The following FSTL5 variants were observed in gnomAD, a reference collection of about 807,000 sequenced individuals.
FSTL5 encodes the protein follistatin like 5.
Under a neutral mutation model 89.1 loss-of-function variants are expected in FSTL5, and 62 were observed. That is an observed-to-expected ratio of 0.70 (90% CI 0.57 to 0.86). The LOEUF is 0.86. Among genes scored for constraint, FSTL5 ranks in the 40% least tolerant of loss-of-function variants. The pLI is 0.00. For synonymous variants in FSTL5, 383 were observed against 346.2 expected (o/e 1.11, Z -1.18); for missense variants, 1,057 against 1,001.6 (o/e 1.06, Z -0.75).
intron 6 of FSTL5, among the ~76,000 whole-genome samples, chr4:161,698,922 C>T (rs1384224214): frequency 1.3e-5 from 2 of 152,006 alleles, no homozygotes; most frequent in African/African-American, 4.8e-5. Flanking sequence ...TGCACTCCAG[C>T]CTGGGTGACA....
At chr4:162,085,262 T>C (rs1314104994) in intron 2 of FSTL5, among the ~76,000 whole-genome samples, 2 of 152,070 alleles carry the variant, frequency 1.3e-5, no homozygotes, top group Non-Finnish European at 2.9e-5. Context: ...GTTAATGTGT[T>C]CAATATATTA....
intron 4 of FSTL5, among the ~76,000 whole-genome samples, chr4:161,903,741 A>G (rs1439263223): frequency 6.7e-6 from 1 of 150,256 alleles, no homozygotes; most frequent in Non-Finnish European, 1.5e-5. Flanking sequence ...ACTTGGAGGG[A>G]TATTATATGA....
chr4:161,695,626 G>T (rs903031850), intron 6 of FSTL5, among the ~76,000 whole-genome samples: 2 of 151,954 alleles, frequency 1.3e-5, no homozygotes, highest in African/African-American at 4.8e-5. Flanking sequence ...AACATCCTTT[G>T]TTTTTTGATT....
intron 12 of FSTL5, among the ~76,000 whole-genome samples, chr4:161,492,223 A>G (rs889550223): frequency 2.0e-5 from 3 of 152,128 alleles, no homozygotes; most frequent in Non-Finnish European, 4.4e-5. Context: ...GTTATGTTAT[A>G]ATTTTCTCTC....
At chr4:161,880,999 A>G (rs1579164796) in intron 4 of FSTL5, among the ~76,000 whole-genome samples, 1 of 152,100 alleles carries the variant, frequency 6.6e-6, no homozygotes, top group East Asian at 1.9e-4. Context: ...CATATAAGAA[A>G]GCGCAATAGA....
intron 3 of FSTL5, among the ~76,000 whole-genome samples, chr4:162,029,343 C>A (rs1737429017): frequency 6.6e-6 from 1 of 152,016 alleles, no homozygotes; most frequent in South Asian, 2.1e-4. Context: ...GTGGCTTCCC[C>A]TTTTCATGTA....
rs1212942555 is a variant in FSTL5, at chr4:161,500,636, T to C, written c.1340-502A>G. Among the ~76,000 whole-genome samples the C allele has an allele frequency of 5.3e-5, 8 of 152,298 alleles. No individual in the cohort carries two copies. In the East Asian group the frequency reaches 1.5e-3, roughly 29 times the overall value. On this transcript the variant is annotated intron_variant, in intron 11 of 15. Transcript: ENST00000306100. ...TAGAATATAAATTTTCTTAAACTAA[T>C]TTTTGTCAAAATAATTCTAAATAGA...
At chr4:161,489,768 T>A (rs1729800897) in intron 12 of FSTL5, among the ~76,000 whole-genome samples, 1 of 152,162 alleles carries the variant, frequency 6.6e-6, no homozygotes, top group African/African-American at 2.4e-5. Context: ...ATCAATAAAA[T>A]ATTTGTTTTA....
chr4:161,902,708 G>C (rs1476004689), intron 4 of FSTL5, among the ~76,000 whole-genome samples: 1 of 151,972 alleles, frequency 6.6e-6, no homozygotes, highest in Non-Finnish European at 1.5e-5. Context: ...AATTAGCCAG[G>C]CGTGATGGTG....
intron 7 of FSTL5, among the ~76,000 whole-genome samples, chr4:161,596,566 T>C (rs1734016491): frequency 6.6e-6 from 1 of 152,122 alleles, no homozygotes; most frequent in Non-Finnish European, 1.5e-5. Flanking sequence ...TGTTCTCTTC[T>C]TGACCACACT....
chr4:162,070,733 G>T (rs1289203464), intron 2 of FSTL5, among the ~76,000 whole-genome samples: 1 of 151,656 alleles, frequency 6.6e-6, no homozygotes, highest in African/African-American at 2.4e-5. Flanking sequence ...GGCCAAAAAA[G>T]AACGGGATAA....
At chr4:161,858,439 G>A (rs1036784392) in intron 4 of FSTL5, among the ~76,000 whole-genome samples, 1 of 152,128 alleles carries the variant, frequency 6.6e-6, no homozygotes, top group Non-Finnish European at 1.5e-5. Context: ...TAGGCACTAT[G>A]ATAGACACTG....
chr4:161,467,426 T>C (rs1733783393), intron 13 of FSTL5, among the ~76,000 whole-genome samples: 1 of 152,128 alleles, frequency 6.6e-6, no homozygotes, highest in African/African-American at 2.4e-5. Flanking sequence ...GATGCTTTAC[T>C]TTTTACAAAA....
chr4:162,058,571 G>A (rs1738628199), intron 2 of FSTL5, among the ~76,000 whole-genome samples: 1 of 151,510 alleles, frequency 6.6e-6, no homozygotes, highest in South Asian at 2.1e-4. Flanking sequence ...GGGATTACAG[G>A]CACGCACCAC....
At chr4:161,935,602 T>C (rs1257136576) in intron 3 of FSTL5, among the ~76,000 whole-genome samples, 3 of 152,142 alleles carry the variant, frequency 2.0e-5, no homozygotes, top group Non-Finnish European at 4.4e-5. Context: ...GGACTGTTCA[T>C]GGAAATCTTC....
At chr4:161,816,381 A>G (rs983801461) in intron 4 of FSTL5, among the ~76,000 whole-genome samples, 1 of 152,218 alleles carries the variant, frequency 6.6e-6, no homozygotes, top group African/African-American at 2.4e-5. Flanking sequence ...TAATGTTTAA[A>G]ATTTAATTTT....
rs1553990005 is a variant in FSTL5, at chr4:161,476,181, T to TTTG, written c.1608+4838_1608+4839insCAA. Among the ~76,000 whole-genome samples the TTTG allele has an allele frequency of 1.1e-3, 129 of 117,842 alleles. 9 individuals are homozygous for TTTG. The East Asian group carries it at 0.026, about 24-fold the overall frequency. 77.3% of individuals were successfully genotyped at this position (117,842 alleles called of 152,430 possible). ...CTTCTTCAAGTTTGCTGGTTTTTTT[T>TTTG]TTTTTTTGTTTGTTTGTTTTTTTGA... On this transcript the variant is annotated intron_variant, in intron 13 of 15. Transcript: ENST00000306100.
At chr4:161,839,292 GAGAA>G (rs1731140492) in intron 4 of FSTL5, among the ~76,000 whole-genome samples, 1 of 151,964 alleles carries the variant, frequency 6.6e-6, no homozygotes, top group African/African-American at 2.4e-5. Context: ...GAATGAAAGA[GAGAA>G]AGAGACCACA....
chr4:161,837,899 T>G (rs1731095482), intron 4 of FSTL5, among the ~76,000 whole-genome samples: 1 of 152,164 alleles, frequency 6.6e-6, no homozygotes, highest in Admixed American at 6.6e-5. Flanking sequence ...ATATATATAC[T>G]TGACTTTCAG....
Sources: gnomAD v4.1 joint callset for allele counts (sites outside exome capture counted in the v4.1 genomes callset) on GRCh38, gnomAD v4.1.1 for gene constraint, MANE v1.5 for transcripts, NCBI Gene and HGNC (gene_info 2026-07-23, HGNC 2026-07-21) for gene names.